ST3GAL4: variants seen among roughly 807,000 people sequenced by gnomAD.
ST3GAL4 encodes the protein CMP-N-acetylneuraminate-beta-galactosamide-alpha-2,3-sialyltransferase 4.
ST3GAL4 carries 24 observed loss-of-function variants against 42.6 expected under a neutral mutation model. That is an observed-to-expected ratio of 0.56 (90% CI 0.41 to 0.79). The LOEUF (loss-of-function observed/expected upper bound fraction) is 0.79, where lower values mean the gene tolerates loss of function less well. ST3GAL4 is among the 30% of genes least tolerant of loss of function. The pLI is 0.00. For missense variants in ST3GAL4, 311 were observed against 430.8 expected, an observed-to-expected ratio of 0.72 and a Z score of 2.46; for synonymous variants, 135 against 163.2, an observed-to-expected ratio of 0.83 and a Z score of 1.32.
chr11:126,408,058 A>G (rs1954336503), intron 6 of ST3GAL4, 41 bp from the exon 7 acceptor site: 7 of 1,601,564 alleles, frequency 4.4e-6, no homozygotes, highest in Admixed American at 1.7e-5. Context: ...AGCCTGGGTT[A>G]GAGTGTGGGG....
intron 10 of ST3GAL4, 76 bp downstream of exon 10, chr11:126,413,724 G>C: frequency 6.3e-7 from 1 of 1,583,270 alleles, no homozygotes; most frequent in South Asian, 1.2e-5. Context: ...GGGTGAGTGG[G>C]AGCAGTGCTG....
At chr11:126,401,095 C>T (rs1328518869) in intron 1 of ST3GAL4, among the ~76,000 whole-genome samples, 1 of 151,908 alleles carries the variant, frequency 6.6e-6, no homozygotes, top group Admixed American at 6.6e-5. Context: ...TAAGATCATC[C>T]AGCTAGAAAA....
chr11:126,390,618 CTT>C lies in ST3GAL4; in HGVS notation c.-60-15460_-60-15459del, dbSNP rs58153137. On this transcript the variant is annotated intron_variant, in intron 1 of 10. Transcript: ENST00000444328. ...GTGAATTGCCTTTTTGTGTTCTTTG[CTT>C]TTTTTTTTTTTTTTTTTATTTCTTT... Among the ~76,000 whole-genome samples, 367 of 126,648 alleles carry C rather than the reference CTT, an allele frequency of 2.9e-3. 1 individual carries two copies. The highest frequency in any genetic ancestry group is 0.011 in the African/African-American group (335 of 31,476). The allele number at this position is 126,648 out of a possible 152,430, so 83.1% of individuals were successfully genotyped here.
chr11:126,389,003 C>G (rs899937369), intron 1 of ST3GAL4, among the ~76,000 whole-genome samples: 1 of 151,972 alleles, frequency 6.6e-6, no homozygotes, highest in East Asian at 1.9e-4. Flanking sequence ...GTCTCGAACT[C>G]GTGACCTCAG....
At chr11:126,375,799 C>T (rs1040650629) in intron 1 of ST3GAL4, among the ~76,000 whole-genome samples, 6 of 151,720 alleles carry the variant, frequency 4.0e-5, no homozygotes, top group African/African-American at 9.7e-5. Context: ...GGACAGACCC[C>T]GCAACAATGA....
chr11:126,361,846 C>T (rs1952254436), intron 1 of ST3GAL4, among the ~76,000 whole-genome samples: 1 of 151,834 alleles, frequency 6.6e-6, no homozygotes, highest in African/African-American at 2.4e-5. Context: ...CAGCCTGCCA[C>T]TGTAGCCTCC....
chr11:126,397,587 C>A lies in ST3GAL4; in HGVS notation c.-60-8509C>A, dbSNP rs779254506. Reference sequence around the variant, plus strand: ...ACCAGAGTGGGATGGTCCCAGCGAGCGGGATGTGGAGGGTTAGGATGTTAT... The same window carrying A: ...ACCAGAGTGGGATGGTCCCAGCGAGAGGGATGTGGAGGGTTAGGATGTTAT... On this transcript the variant is annotated intron_variant, in intron 1 of 10. Coordinates refer to ENST00000444328, the MANE Select transcript of ST3GAL4 (RefSeq NM_001254757.2). The surrounding 1 kb of genome is among the most constrained non-coding windows in gnomAD (Gnocchi z 5.0). 6.6e-6 allele frequency among the ~76,000 whole-genome samples: 1 copy of A among 152,120 alleles called. No individual in the cohort carries two copies. Among genetic ancestry groups the A allele is most frequent in the African/African-American group, 2.4e-5 (1 of 41,424 alleles).
Position 126,414,291 on chromosome 11 carries a change from C to T in ST3GAL4, c.*244C>T, listed in dbSNP as rs1483567383. On this transcript the variant is annotated 3_prime_UTR_variant, in exon 11 of 11. Coordinates refer to ENST00000444328, the MANE Select transcript of ST3GAL4 (RefSeq NM_001254757.2). ...CCCGGCCAGGGCAGGGGGCTCGTTG[C>T]TGTGGCACCCCCTCTCTGCCAGCAC... 1.3e-5 allele frequency: 7 copies of T among 559,590 alleles called. No individual in the cohort carries two copies. The highest frequency in any genetic ancestry group is 2.2e-5 in the Non-Finnish European group (7 of 311,284). The allele number at this position is 559,590 out of a possible 1,614,324, so 34.7% of individuals were successfully genotyped here.
At position 126,410,400 on chromosome 11, in the gene ST3GAL4, G is replaced by A. The variant is rs1954470181; in HGVS notation, c.771+989G>A. 6.6e-6 allele frequency among the ~76,000 whole-genome samples: 1 copy of A among 152,152 alleles called. No homozygotes were observed. The highest frequency in any genetic ancestry group is 1.5e-5 in the Non-Finnish European group (1 of 68,024). On this transcript the variant is annotated intron_variant, in intron 9 of 10. Coordinates refer to ENST00000444328, the MANE Select transcript of ST3GAL4 (RefSeq NM_001254757.2). This position sits in a 1 kb window ranked among gnomAD's most constrained non-coding sequence, Gnocchi z 5.3. ...GTGGGATGGTGAGAGACAGGCACTA[G>A]CAGACACAGGTATGGCGCTTGGCTG...
chr11:126,377,968 C>T (rs1442617319), intron 1 of ST3GAL4, among the ~76,000 whole-genome samples: 1 of 152,132 alleles, frequency 6.6e-6, no homozygotes, highest in Non-Finnish European at 1.5e-5. Flanking sequence ...TCAATTCACT[C>T]AACTGAGAGA....
chr11:126,370,109 TAACA>T (rs1427903241), intron 1 of ST3GAL4, among the ~76,000 whole-genome samples: 1 of 152,238 alleles, frequency 6.6e-6, no homozygotes, highest in Non-Finnish European at 1.5e-5. Context: ...GTAAAGATCC[TAACA>T]GACAAGTCTC....
chr11:126,394,794 G>A (rs1213597522), intron 1 of ST3GAL4, among the ~76,000 whole-genome samples: 1 of 143,362 alleles, frequency 7.0e-6, no homozygotes, highest in Non-Finnish European at 1.5e-5. Context: ...CAATGTTTCT[G>A]TACAGGAGTC....
Position 126,359,202 on chromosome 11 carries a change from T to C in ST3GAL4, c.-61+3360T>C, listed in dbSNP as rs1451184991. ...CAACTGCAGCATGGGTGAACATCTG[T>C]ACATCTGTCCCCATAATGAAAATGG... is the stretch of plus-strand genomic sequence containing the variant. On this transcript the variant is annotated intron_variant, in intron 1 of 10. Transcript: ENST00000444328. The surrounding 1 kb of genome is among the most constrained non-coding windows in gnomAD (Gnocchi z 4.8). 6.6e-6 allele frequency among the ~76,000 whole-genome samples: 1 copy of C among 151,954 alleles called. No homozygotes were observed. Among genetic ancestry groups the C allele is most frequent in the Admixed American group, 6.6e-5 (1 of 15,242 alleles).
rs1418625698 is a variant in ST3GAL4 at position 126,366,795 on chromosome 11, G to A, written c.-61+10953G>A. On this transcript the variant is annotated intron_variant, in intron 1 of 10. Coordinates refer to ENST00000444328, the MANE Select transcript of ST3GAL4 (RefSeq NM_001254757.2). The surrounding 1 kb of genome is among the most constrained non-coding windows in gnomAD (Gnocchi z 4.2). ...GGGAGGCGGGAGTGCAAGGTCTGCC[G>A]AGTGAGGGTTCCTTCCGGGAGGAGG... 1.3e-5 allele frequency among the ~76,000 whole-genome samples: 2 copies of A among 152,188 alleles called. No individual in the cohort carries two copies. The highest frequency in any genetic ancestry group is 2.9e-5 in the Non-Finnish European group (2 of 68,042).
At chr11:126,408,063 G>A (rs200739142) in intron 6 of ST3GAL4, 36 bp from the exon 7 acceptor site, 1 of 1,606,272 alleles carries the variant, frequency 6.2e-7, no homozygotes, top group East Asian at 2.2e-5. Flanking sequence ...GGGTTAGAGT[G>A]TGGGGTGACA....
intron 1 of ST3GAL4, among the ~76,000 whole-genome samples, chr11:126,385,870 T>C (rs1170584253): frequency 1.4e-5 from 2 of 142,188 alleles, no homozygotes; most frequent in Non-Finnish European, 3.0e-5. Context: ...AATCCAGTGG[T>C]GTCACTCTTT....
rs1952837830 is a variant in ST3GAL4 at position 126,376,521 on chromosome 11, T to C, written c.-61+20679T>C. 6.6e-6 allele frequency among the ~76,000 whole-genome samples: 1 copy of C among 152,252 alleles called. No individual in the cohort carries two copies. The highest frequency in any genetic ancestry group is 1.5e-5 in the Non-Finnish European group (1 of 68,046). ...ACATAACCATATGTTAGTTGGCTAC[T>C]TATGATTGGCTGAAGTTTTATTTGT... is the stretch of plus-strand genomic sequence containing the variant. On this transcript the variant is annotated intron_variant, in intron 1 of 10. Transcript: ENST00000444328. This position sits in a 1 kb window ranked among gnomAD's most constrained non-coding sequence, Gnocchi z 5.1.
chr11:126,367,386 G>A (rs60648773), intron 1 of ST3GAL4, among the ~76,000 whole-genome samples: 47,646 of 151,982 alleles, frequency 0.31, 8,110 homozygotes, highest in African/African-American at 0.44. Flanking sequence ...CCTTTGTCAC[G>A]TATGGACCAG....
At chr11:126,371,163 C>CTTATTTTT in intron 1 of ST3GAL4, among the ~76,000 whole-genome samples, 1 of 59,974 alleles carries the variant, frequency 1.7e-5, no homozygotes, top group Non-Finnish European at 3.0e-5. Flanking sequence ...CCCCACATTC[C>CTTATTTTT]TTTTTTTTTT....
Sources: gnomAD v4.1 joint callset for allele counts (sites outside exome capture counted in the v4.1 genomes callset) on GRCh38, gnomAD v4.1.1 for gene constraint, Gnocchi (gnomAD v3.1) non-coding constraint, MANE v1.5 for transcripts, NCBI Gene and HGNC (gene_info 2026-07-23, HGNC 2026-07-21) for gene names.